The following ZNF398 variants were observed in gnomAD, a reference collection of about 807,000 sequenced individuals.
ZNF398 encodes the protein zinc finger protein 398.
ZNF398 carries 18 observed loss-of-function variants against 41.9 expected under a neutral mutation model. The ratio of observed to expected loss-of-function variants is 0.43; its 90% CI spans 0.30 to 0.64. The LOEUF (loss-of-function observed/expected upper bound fraction) is 0.64, where lower values mean the gene tolerates loss of function less well. Ranked by LOEUF, ZNF398 falls within the 30% of genes least tolerant of loss-of-function variation. ZNF398 has a pLI of 0.14. For missense variants in ZNF398, 669 were observed against 822.8 expected (o/e 0.81, Z 2.29); for synonymous variants, 260 against 308.8 (o/e 0.84, Z 1.66).
chr7:149,165,732 C>T (rs1031349725), intron 2 of ZNF398, among the ~76,000 whole-genome samples: 1 of 152,044 alleles, frequency 6.6e-6, no homozygotes, highest in East Asian at 1.9e-4. Context: ...CTGTACTTGG[C>T]AAAAGACTAG....
Position 149,182,694 on chromosome 7 carries a change from G to A in ZNF398, c.*2893G>A, listed in dbSNP as rs1212465846. ...TGGATCCAGGTGTTGACTATAACCA[G>A]ATTTACTCTTTGCTTACTAGGTTTT... On this transcript the variant is annotated 3_prime_UTR_variant, in exon 6 of 6. Coordinates refer to ENST00000475153, the MANE Select transcript of ZNF398 (RefSeq NM_170686.3). The A allele has an allele frequency of 6.6e-6, 1 of 152,170 alleles. No homozygotes were observed. Among genetic ancestry groups the A allele is most frequent in the Non-Finnish European group, 1.5e-5 (1 of 68,030 alleles). 9.4% of individuals were successfully genotyped at this position (152,170 alleles called of 1,614,324 possible). A position where few individuals can be genotyped will look rare whatever the true frequency, so the allele number is the denominator to read the frequency against.
At chr7:149,171,176 A>T (rs1370674206) in intron 4 of ZNF398, among the ~76,000 whole-genome samples, 5 of 151,182 alleles carry the variant, frequency 3.3e-5, no homozygotes, top group Non-Finnish European at 7.4e-5. Context: ...CCATAAATTA[A>T]CCTTAGCTTA....
chr7:149,150,796 G>A (rs1485103563), intron 1 of ZNF398, among the ~76,000 whole-genome samples: 4 of 151,550 alleles, frequency 2.6e-5, no homozygotes, highest in South Asian at 2.1e-4. Flanking sequence ...TGCAACTTCC[G>A]CCTCCTGGGT....
chr7:149,175,693 T>C (rs561668866), intron 4 of ZNF398, among the ~76,000 whole-genome samples: 1 of 152,160 alleles, frequency 6.6e-6, no homozygotes, highest in Non-Finnish European at 1.5e-5. Context: ...TTTGTTTGTT[T>C]GTTTTGAAAT....
chr7:149,173,333 C>T (rs1795391106), intron 4 of ZNF398, among the ~76,000 whole-genome samples: 2 of 151,978 alleles, frequency 1.3e-5, no homozygotes, highest in Admixed American at 1.3e-4. Context: ...TCTCGAACTC[C>T]CGACCTCAGG....
intron 2 of ZNF398, among the ~76,000 whole-genome samples, chr7:149,135,389 C>CAAAAAAAAAAAAAAAAAAA (rs777888671): frequency 8.1e-5 from 5 of 61,420 alleles, no homozygotes; most frequent in Non-Finnish European, 1.2e-4. Context: ...GACTCTGTCT[C>CAAAAAAAAAAAAAAAAAAA]AAAAAAAAAA....
chr7:149,175,070 C>CT (rs1795433873), intron 4 of ZNF398, among the ~76,000 whole-genome samples: 1 of 152,166 alleles, frequency 6.6e-6, no homozygotes, highest in Admixed American at 6.5e-5. Flanking sequence ...ATGCTAAAAT[C>CT]TATTTCCCAA....
intron 2 of ZNF398, among the ~76,000 whole-genome samples, chr7:149,157,974 C>T (rs968728920): frequency 1.3e-5 from 2 of 150,594 alleles, no homozygotes; most frequent in Admixed American, 6.6e-5. Flanking sequence ...TGTAGCTACT[C>T]GGGAGGCTGT....
At chr7:149,146,330 G>C (rs552822589), upstream of ZNF398, among the ~76,000 whole-genome samples, 1 of 152,084 alleles carries the variant, frequency 6.6e-6, no homozygotes, top group East Asian at 1.9e-4. Context: ...CTCCAGCTTG[G>C]GCAACATAGC....
chr7:149,151,285 G>A (rs1827107666), intron 1 of ZNF398: 1 of 1,241,000 alleles, frequency 8.1e-7, no homozygotes, highest in African/African-American at 1.5e-5. Flanking sequence ...CTGAGCAGGT[G>A]AGGCAGAAAG....
At chr7:149,166,447 CATA>C (rs1795227484) in intron 3 of ZNF398, among the ~76,000 whole-genome samples, 163 bp downstream of exon 3, 1 of 152,206 alleles carries the variant, frequency 6.6e-6, no homozygotes, top group South Asian at 2.1e-4. Flanking sequence ...AACTAGGAAT[CATA>C]ATCTCTCTTT....
rs1396142919 is a variant in ZNF398, at chr7:149,154,238, CG to C, written c.321del (p.Leu108CysfsTer53). 6.2e-7 allele frequency: 1 copy of C among 1,613,978 alleles called. No homozygotes were observed. The highest frequency in any genetic ancestry group is 1.3e-5 in the African/African-American group (1 of 74,904). ...AVLGTLLQEY[G>X]LLQRRLENLE... ...TGCTGGGAACCCTGCTGCAGGAGTA[CG>C]GGCTGCTGCAGAGGCGGCTGGAGAA... is the stretch of plus-strand genomic sequence containing the variant. On this transcript the variant is annotated frameshift_variant, in exon 2 of 6. Coordinates refer to ENST00000475153, the MANE Select transcript of ZNF398 (RefSeq NM_170686.3). LOFTEE classifies it high-confidence loss of function.
intron 2 of ZNF398, among the ~76,000 whole-genome samples, chr7:149,156,299 G>A (rs1022388711): frequency 1.3e-5 from 2 of 151,506 alleles, no homozygotes; most frequent in African/African-American, 2.4e-5. Flanking sequence ...GAGGTCAGGA[G>A]TTTGAGACCA....
rs774274042 is a variant in ZNF398, at chr7:149,178,911, C to T, written c.1039C>T (p.His347Tyr). 92 of 1,614,020 alleles carry T rather than the reference C, an allele frequency of 5.7e-5. No individual in the cohort carries two copies. Among genetic ancestry groups the T allele is most frequent in the Non-Finnish European group, 7.8e-5 (92 of 1,180,020 alleles). Reference sequence around the variant, plus strand: ...TGGCGAGCAGGTGTTCTCATGCCACCACTGTGGCAAGAATCTCAGCCAAGA... The same window carrying T: ...TGGCGAGCAGGTGTTCTCATGCCACTACTGTGGCAAGAATCTCAGCCAAGA... ...PVGEQVFSCH[H>Y]CGKNLSQDML... The change falls in exon 6 of 6, where the codon CAC becomes TAC. Residue 347 changes from histidine (H) to tyrosine (Y), a missense_variant. By Grantham distance (83) the His-to-Tyr change is moderately conservative (BLOSUM62 2). Coordinates refer to ENST00000475153, the MANE Select transcript of ZNF398 (RefSeq NM_170686.3).
chr7:149,179,601 C>G lies in ZNF398; in HGVS notation c.1729C>G (p.Arg577Gly). 6.2e-7 allele frequency: 1 copy of G among 1,614,176 alleles called. No homozygotes were observed. The highest frequency in any genetic ancestry group is 1.1e-5 in the South Asian group (1 of 91,080). Reference sequence around the variant, plus strand: ...CTGCTCCTACTGTGGCAGGAGCTTCCGCTACAAACAGACACTCAAGGACCA... The same window carrying G: ...CTGCTCCTACTGTGGCAGGAGCTTCGGCTACAAACAGACACTCAAGGACCA... ...YPCSYCGRSF[R>G]YKQTLKDHLR... The change falls in exon 6 of 6, where the codon CGC becomes GGC. Residue 577 changes from arginine to glycine, a missense_variant. Physicochemically the swap from Arg to Gly is moderately radical, Grantham distance 125 (BLOSUM62 -2). Coordinates refer to ENST00000475153, the MANE Select transcript of ZNF398 (RefSeq NM_170686.3). This position sits in a 1 kb window ranked among gnomAD's most constrained non-coding sequence, Gnocchi z 6.1.
chr7:149,148,591 G>A (rs1827022058), intron 1 of ZNF398: 1 of 582,102 alleles, frequency 1.7e-6, no homozygotes, highest in East Asian at 1.4e-4. Context: ...GGGTAGAGCA[G>A]AGGGAAGTGC....
intron 2 of ZNF398, among the ~76,000 whole-genome samples, chr7:149,157,874 C>T (rs1479978083): frequency 1.4e-5 from 2 of 145,256 alleles, no homozygotes; most frequent in Non-Finnish European, 3.0e-5. Context: ...GGACCAAGTC[C>T]GGTGGTAGGA....
rs1483673161 is a variant in ZNF398, at chr7:149,133,678, T to TATATATACACACAC, written c.-490+4735_-490+4736insTATATACACACACA. ...AAATATATATATATATATATATATATACATATATATGTGTGTATATATATA... is the reference window on the plus strand; with the variant it reads ...AAATATATATATATATATATATATATATATATACACACACACATATATATGTGTGTATATATATA... On this transcript the variant is annotated intron_variant, in intron 2 of 6. Coordinates refer to the ZNF398 transcript ENST00000426851. Among the ~76,000 whole-genome samples, 364 of 67,002 alleles carry TATATATACACACAC rather than the reference T, an allele frequency of 5.4e-3. 4 individuals are homozygous for TATATATACACACAC. Among genetic ancestry groups the TATATATACACACAC allele is most frequent in the African/African-American group, 0.021 (343 of 16,438 alleles). 44.0% of individuals were successfully genotyped at this position (67,002 alleles called of 152,430 possible).
chr7:149,141,614 C>T (rs1326574754), intron 2 of ZNF398, among the ~76,000 whole-genome samples: 3 of 152,116 alleles, frequency 2.0e-5, no homozygotes, highest in Non-Finnish European at 4.4e-5. Context: ...GCCACCACGC[C>T]TGGCTAATTT....
Sources: gnomAD v4.1 joint callset for allele counts (sites outside exome capture counted in the v4.1 genomes callset) on GRCh38, gnomAD v4.1.1 for gene constraint, Gnocchi (gnomAD v3.1) non-coding constraint, MANE v1.5 for transcripts, NCBI Gene and HGNC (gene_info 2026-07-23, HGNC 2026-07-21) for gene names.